The following CENPE variants were observed in gnomAD, a reference collection of about 807,000 sequenced individuals.
The protein encoded by CENPE is centromere protein E, also known as centromere-associated protein E.
In CENPE, 145 loss-of-function variants were observed where a neutral mutation model predicts 336.1. That is an observed-to-expected ratio of 0.43 (90% confidence interval 0.38 to 0.50). The LOEUF is 0.50. Among genes scored for constraint, CENPE ranks in the 20% least tolerant of loss-of-function variants. The probability of loss-of-function intolerance (pLI) is 0.00; values close to 1 mark genes in which losing one functional copy is unlikely to be tolerated. For missense variants in CENPE, 2,719 were observed against 3,023.3 expected (o/e 0.90, Z 2.36); for synonymous variants, 1,013 against 984.8 (o/e 1.03, Z -0.54).
At chr4:103,172,328 G>A (rs182664198) in intron 16 of CENPE, among the ~76,000 whole-genome samples, 147 of 151,822 alleles carry the variant, frequency 9.7e-4, no homozygotes, top group Non-Finnish European at 1.5e-3. Context: ...ATGACATACC[G>A]CATTAACAAA....
At chr4:103,159,816 C>T (rs1754286453) in intron 21 of CENPE, among the ~76,000 whole-genome samples, 1 of 151,598 alleles carries the variant, frequency 6.6e-6, no homozygotes, top group Non-Finnish European at 1.5e-5. Context: ...AGAAGTACCA[C>T]TTAAGTAATA....
intron 46 of CENPE, among the ~76,000 whole-genome samples, chr4:103,111,457 A>T (rs1749420310): frequency 6.6e-6 from 1 of 152,262 alleles, no homozygotes; most frequent in South Asian, 2.1e-4. Context: ...TATTAACTAA[A>T]TATATGTTAC....
chr4:103,165,826 A>T (rs1407460766), intron 16 of CENPE, among the ~76,000 whole-genome samples: 1 of 151,854 alleles, frequency 6.6e-6, no homozygotes, highest in Non-Finnish European at 1.5e-5. Flanking sequence ...CTCTATAAAG[A>T]AAAAGTTTTT....
chr4:103,190,180 G>A (rs1324376644), intron 8 of CENPE, among the ~76,000 whole-genome samples: 3 of 152,212 alleles, frequency 2.0e-5, no homozygotes, highest in Admixed American at 6.5e-5. Context: ...ATGCTCATGG[G>A]TAGGAAGAAT....
rs1755077189 is a variant in CENPE at position 103,168,112 on chromosome 4, G to C, written c.1648-4559C>G. 7.2e-5 allele frequency among the ~76,000 whole-genome samples: 11 copies of C among 151,950 alleles called. No individual in the cohort carries two copies. The South Asian group carries it at 2.3e-3, about 32-fold the overall frequency. ...AGCCCTCCCCTGCTGCAGCCTCCCT[G>C]CTCTCACCCACACAGAGAACTGCCA... On this transcript the variant is annotated intron_variant, in intron 16 of 48. Transcript: ENST00000265148.
intron 5 of CENPE, 69 bp downstream of exon 5, chr4:103,195,045 G>A: frequency 7.3e-7 from 1 of 1,361,248 alleles, no homozygotes; most frequent in Non-Finnish European, 9.8e-7. Context: ...GAAATTAAAG[G>A]TAAACATTCA....
At chr4:103,189,209 G>C (rs1333473204) in intron 8 of CENPE, among the ~76,000 whole-genome samples, 1 of 152,116 alleles carries the variant, frequency 6.6e-6, no homozygotes, top group East Asian at 1.9e-4. Context: ...TTCTACCAGA[G>C]GTACTAGGAG....
chr4:103,169,259 A>C (rs1755190783), intron 16 of CENPE, among the ~76,000 whole-genome samples: 1 of 152,120 alleles, frequency 6.6e-6, no homozygotes, highest in African/African-American at 2.4e-5. Context: ...AAAAAAAAAA[A>C]AGGATGAAAA....
At chr4:103,157,833 A>G (rs1425359272) in intron 24 of CENPE, among the ~76,000 whole-genome samples, 1 of 151,984 alleles carries the variant, frequency 6.6e-6, no homozygotes, top group African/African-American at 2.4e-5. Flanking sequence ...AATATTTTAA[A>G]ATTCTAGCAG....
intron 48 of CENPE, among the ~76,000 whole-genome samples, chr4:103,108,189 T>C (rs947075960): frequency 1.3e-5 from 2 of 152,096 alleles, no homozygotes; most frequent in South Asian, 4.1e-4. Context: ...TCAATACTCC[T>C]CAAATACTTA....
At chr4:103,136,729 G>A (rs1752100636) in intron 39 of CENPE, among the ~76,000 whole-genome samples, 1 of 152,174 alleles carries the variant, frequency 6.6e-6, no homozygotes, top group Admixed American at 6.5e-5. Flanking sequence ...TCATGGTTGA[G>A]TGCTGGTTTA....
At chr4:103,179,828 T>C (rs1756181530) in intron 13 of CENPE, among the ~76,000 whole-genome samples, 2 of 152,150 alleles carry the variant, frequency 1.3e-5, no homozygotes, top group African/African-American at 4.8e-5. Flanking sequence ...CCAAAAAGTC[T>C]ACTGAATAAA....
chr4:103,130,858 T>C (rs891739783), intron 42 of CENPE, among the ~76,000 whole-genome samples: 2 of 149,124 alleles, frequency 1.3e-5, no homozygotes, highest in Admixed American at 1.3e-4. Flanking sequence ...CAAATGATCA[T>C]TGACAAAGGA....
intron 10 of CENPE, 147 bp downstream of exon 10, chr4:103,183,054 G>T: frequency 1.2e-6 from 1 of 862,192 alleles, no homozygotes; most frequent in South Asian, 1.9e-5. Flanking sequence ...AAAACAGAAA[G>T]TAAATTCAGT....
intron 2 of CENPE, among the ~76,000 whole-genome samples, 172 bp downstream of exon 2, chr4:103,196,587 A>G (rs1266574900): frequency 6.6e-6 from 1 of 152,230 alleles, no homozygotes; most frequent in Non-Finnish European, 1.5e-5. Context: ...TTAAATGCCA[A>G]TTGGTTACCT....
At chr4:103,148,804 A>G in intron 28 of CENPE, 40 bp downstream of exon 28, 2 of 1,567,232 alleles carry the variant, frequency 1.3e-6, no homozygotes, top group African/African-American at 1.4e-5. Context: ...GGAGAAAGGA[A>G]GGAAGAAGTG....
At chr4:103,149,463 AC>A in intron 26 of CENPE, 55 bp from the exon 27 acceptor site, 1 of 1,445,938 alleles carries the variant, frequency 6.9e-7, no homozygotes, top group Non-Finnish European at 9.2e-7. Flanking sequence ...CAAAATTCTT[AC>A]ACAAAATCAT....
intron 25 of CENPE, among the ~76,000 whole-genome samples, 173 bp downstream of exon 25, chr4:103,152,874 A>C (rs1416400335): frequency 6.6e-6 from 1 of 152,146 alleles, no homozygotes; most frequent in Non-Finnish European, 1.5e-5. Flanking sequence ...AACATCTTCT[A>C]TCTTGACTGG....
intron 1 of CENPE, among the ~76,000 whole-genome samples, chr4:103,197,065 C>A (rs553984243): frequency 2.6e-5 from 4 of 152,310 alleles, no homozygotes; most frequent in African/African-American, 9.6e-5. Context: ...TCATTCTCAC[C>A]CTCTCCCCCA....
Sources: gnomAD v4.1 joint callset for allele counts (sites outside exome capture counted in the v4.1 genomes callset) on GRCh38, gnomAD v4.1.1 for gene constraint, MANE v1.5 for transcripts, NCBI Gene and HGNC (gene_info 2026-07-23, HGNC 2026-07-21) for gene names.